TMPRSS11F: variants seen among roughly 807,000 people sequenced by gnomAD.
The protein encoded by TMPRSS11F is transmembrane protease serine 11F.
In TMPRSS11F, 47 loss-of-function variants were observed where a neutral mutation model predicts 60.2. The ratio of observed to expected loss-of-function variants is 0.78; its 90% CI spans 0.62 to 1.00. The LOEUF (loss-of-function observed/expected upper bound fraction) is 1.00, where lower values mean the gene tolerates loss of function less well. Ranked by LOEUF, TMPRSS11F falls within the 50% of genes least tolerant of loss-of-function variation. The probability of loss-of-function intolerance (pLI) is 0.00; values close to 1 mark genes in which losing one functional copy is unlikely to be tolerated. For missense variants in TMPRSS11F, 519 were observed against 522.9 expected, an observed-to-expected ratio of 0.99 and a Z score of 0.07; for synonymous variants, 166 against 167.3, an observed-to-expected ratio of 0.99 and a Z score of 0.06.
chr4:68,118,800 T>A (rs953262836), intron 1 of TMPRSS11F, among the ~76,000 whole-genome samples: 1 of 152,164 alleles, frequency 6.6e-6, no homozygotes, highest in Non-Finnish European at 1.5e-5. Context: ...AAATCTTATC[T>A]AGAGTAAGGG....
chr4:68,106,025 T>C (rs1465352953), intron 1 of TMPRSS11F, among the ~76,000 whole-genome samples: 3 of 152,200 alleles, frequency 2.0e-5, no homozygotes, highest in Non-Finnish European at 4.4e-5. Context: ...AATAATTCTA[T>C]GTGGACACCA....
Position 68,065,223 on chromosome 4 carries a change from G to A in TMPRSS11F, c.756-279C>T, listed in dbSNP as rs1033535917. Reference sequence around the variant, plus strand: ...TTCCTTAATTTCAACAAACTGTGTAGTAATTAATTTTGATTTGTTTTGGAT... The same window carrying A: ...TTCCTTAATTTCAACAAACTGTGTAATAATTAATTTTGATTTGTTTTGGAT... On this transcript the variant is annotated intron_variant, in intron 7 of 9. Transcript: ENST00000356291. Among the ~76,000 whole-genome samples the A allele has an allele frequency of 2.0e-5, 3 of 152,110 alleles. No individual in the cohort carries two copies. In the South Asian group the frequency reaches 6.2e-4, roughly 32 times the overall value.
chr4:68,080,485 A>C (rs375807577), intron 3 of TMPRSS11F: 44 of 152,368 alleles, frequency 2.9e-4, no homozygotes, highest in African/African-American at 1.0e-3. Context: ...TCTCCAGAGA[A>C]TTGTCCTTGT....
chr4:68,066,950 A>T (rs1433500073), intron 7 of TMPRSS11F, among the ~76,000 whole-genome samples: 1 of 151,908 alleles, frequency 6.6e-6, no homozygotes, highest in Non-Finnish European at 1.5e-5. Flanking sequence ...AAAAAAAAAA[A>T]ATTAAAGATG....
rs774335879 is a variant in TMPRSS11F at position 68,069,982 on chromosome 4, A to T, written c.540T>A (p.Asn180Lys). 4 of 1,605,100 alleles carry T rather than the reference A, an allele frequency of 2.5e-6. No individual in the cohort carries two copies. Among genetic ancestry groups the T allele is most frequent in the South Asian group, 1.1e-5 (1 of 89,736 alleles). ...LTPIDSKKMR[N>K]LLNSRCGIRM... ...TTTGGAACTTACGACTGTTGAGAAG[A>T]TTCCTCATCTTTTTGCTGTCAATAG... is the stretch of plus-strand genomic sequence containing the variant. The change falls in exon 6 of 10, where the codon AAT becomes AAA. Residue 180 changes from asparagine to lysine, a missense_variant. Asn to Lys is a moderately conservative substitution (Grantham distance 94, BLOSUM62 0). Transcript: ENST00000356291.
At chr4:68,092,933 G>A (rs1056131194) in intron 2 of TMPRSS11F, among the ~76,000 whole-genome samples, 5 of 152,026 alleles carry the variant, frequency 3.3e-5, no homozygotes, top group African/African-American at 9.7e-5. Context: ...AACTATATTA[G>A]TCACTATACT....
chr4:68,071,134 C>T (rs1723453758), intron 5 of TMPRSS11F, among the ~76,000 whole-genome samples: 3 of 152,104 alleles, frequency 2.0e-5, no homozygotes, highest in Admixed American at 2.0e-4. Context: ...GGCTTAGGCA[C>T]AGTTATATCA....
chr4:68,111,793 TA>T (rs1339360254), intron 1 of TMPRSS11F, among the ~76,000 whole-genome samples: 1 of 152,164 alleles, frequency 6.6e-6, no homozygotes. Flanking sequence ...AGTTAAGGCT[TA>T]GAGAGACTAA....
intron 3 of TMPRSS11F, among the ~76,000 whole-genome samples, chr4:68,083,022 G>C (rs372636319): frequency 6.6e-6 from 1 of 152,146 alleles, no homozygotes; most frequent in African/African-American, 2.4e-5. Flanking sequence ...AACAAGCTGG[G>C]CAGGCCCCAC....
intron 1 of TMPRSS11F, among the ~76,000 whole-genome samples, chr4:68,118,559 T>C (rs1724568665): frequency 6.6e-6 from 1 of 152,228 alleles, no homozygotes; most frequent in Non-Finnish European, 1.5e-5. Context: ...AATTCTTTGA[T>C]AACAGGTCTT....
intron 1 of TMPRSS11F, among the ~76,000 whole-genome samples, chr4:68,105,772 A>G (rs756756021): frequency 6.6e-6 from 1 of 152,214 alleles, no homozygotes; most frequent in South Asian, 2.1e-4. Flanking sequence ...TTTAAAATGT[A>G]TAAAAATAAA....
Position 68,127,851 on chromosome 4 carries a change from T to G in TMPRSS11F, c.11+1959A>C, listed in dbSNP as rs72855026. Among the ~76,000 whole-genome samples, 795 of 152,132 alleles carry G rather than the reference T, an allele frequency of 5.2e-3. 9 individuals are homozygous for G. The highest frequency in any genetic ancestry group is 0.016 in the African/African-American group (683 of 41,514). On this transcript the variant is annotated intron_variant, in intron 1 of 9. Coordinates refer to ENST00000356291, the MANE Select transcript of TMPRSS11F (RefSeq NM_207407.2). ...ACTATTTAAATACACCAACAACAAA[T>G]GAACAATACCAAAATAAACCAAAGA...
At chr4:68,083,225 CT>C (rs1723742818) in intron 3 of TMPRSS11F, among the ~76,000 whole-genome samples, 1 of 152,144 alleles carries the variant, frequency 6.6e-6, no homozygotes, top group African/African-American at 2.4e-5. Flanking sequence ...TCTTGGCAAC[CT>C]AATCTTTAGC....
intron 1 of TMPRSS11F, among the ~76,000 whole-genome samples, chr4:68,123,945 G>A (rs1041283167): frequency 1.3e-5 from 2 of 152,076 alleles, no homozygotes; most frequent in African/African-American, 2.4e-5. Flanking sequence ...TCAAGGTCGG[G>A]CACGGTGGCT....
intron 2 of TMPRSS11F, among the ~76,000 whole-genome samples, chr4:68,091,763 C>A (rs1005788650): frequency 7.7e-5 from 3 of 39,066 alleles, no homozygotes; most frequent in East Asian, 1.2e-3. Flanking sequence ...CTCTCTCTCT[C>A]TCTCTCTCTC....
At chr4:68,090,377 T>G in intron 3 of TMPRSS11F, 146 bp downstream of exon 3, 1 of 1,266,768 alleles carries the variant, frequency 7.9e-7, no homozygotes, top group Non-Finnish European at 1.0e-6. Flanking sequence ...ATTAAGTAAT[T>G]TAATCCTCAC....
chr4:68,060,283 G>A (rs540300148), intron 8 of TMPRSS11F, among the ~76,000 whole-genome samples: 4 of 151,172 alleles, frequency 2.6e-5, no homozygotes, highest in Non-Finnish European at 4.4e-5. Flanking sequence ...GGAGGCGGGC[G>A]GATCATGAGG....
At chr4:68,112,935 A>C (rs970617948) in intron 1 of TMPRSS11F, among the ~76,000 whole-genome samples, 2 of 152,202 alleles carry the variant, frequency 1.3e-5, no homozygotes, top group Admixed American at 1.3e-4. Context: ...TTCCCTCTAC[A>C]AAATTTGCTC....
chr4:68,106,896 G>C (rs1053604389), intron 1 of TMPRSS11F, among the ~76,000 whole-genome samples: 9 of 152,084 alleles, frequency 5.9e-5, no homozygotes, highest in Non-Finnish European at 1.0e-4. Flanking sequence ...TTAGACCTTC[G>C]AGTTCTAGAT....
Sources: allele counts gnomAD v4.1 joint callset (sites outside exome capture counted in the v4.1 genomes callset), GRCh38; gene constraint gnomAD v4.1.1; transcripts MANE v1.5; gene names NCBI Gene and HGNC (gene_info 2026-07-23, HGNC 2026-07-21).